Variants in GPHN observed in about 807,000 individuals in gnomAD.
GPHN encodes the protein gephyrin.
GPHN carries 17 observed loss-of-function variants against 95.5 expected under a neutral mutation model. The ratio of observed to expected loss-of-function variants is 0.18; its 90% CI spans 0.12 to 0.27. The LOEUF (loss-of-function observed/expected upper bound fraction) is 0.27. Among genes scored for constraint, GPHN ranks in the 10% least tolerant of loss-of-function variants. GPHN has a pLI of 1.00. For synonymous variants in GPHN, 320 were observed against 322.5 expected (o/e 0.99, Z 0.08); for missense variants, 660 against 978.1 (o/e 0.67, Z 4.34).
At chr14:67,562,818 C>T in the GPHN span, 5 of 1,613,688 alleles carry the variant, frequency 3.1e-6, no homozygotes, top group East Asian at 8.9e-5. Flanking sequence ...AGCCCAAAGG[C>T]CCTTGGAGCT....
chr14:66,550,800 A>G (rs1459994491), intron 1 of GPHN, among the ~76,000 whole-genome samples: 2 of 152,072 alleles, frequency 1.3e-5, no homozygotes, highest in East Asian at 3.9e-4. Flanking sequence ...AAAGATTATG[A>G]TTCACTGATG....
the GPHN span, among the ~76,000 whole-genome samples, chr14:67,668,915 G>A: frequency 3.3e-5 from 5 of 152,098 alleles, no homozygotes; most frequent in Non-Finnish European, 7.4e-5. Context: ...TATCATAAAT[G>A]TGGAAAGTGT....
intron 3 of GPHN, among the ~76,000 whole-genome samples, chr14:66,788,714 T>A (rs1037675461): frequency 4.6e-5 from 7 of 152,188 alleles, no homozygotes; most frequent in African/African-American, 1.7e-4. Flanking sequence ...TGGAGTGAAA[T>A]GGTACAACGT....
the GPHN span, chr14:67,733,878 C>A: frequency 2.0e-6 from 3 of 1,494,770 alleles, no homozygotes; most frequent in Non-Finnish European, 2.8e-6. Context: ...TTTATCAGGC[C>A]CAATCCATGC....
intron 1 of GPHN, among the ~76,000 whole-genome samples, chr14:66,679,624 T>C (rs771201842): frequency 2.0e-5 from 3 of 152,214 alleles, no homozygotes; most frequent in Non-Finnish European, 4.4e-5. Context: ...CTCTGTTCAT[T>C]TCATTTCTTT....
At chr14:66,748,436 C>G (rs959555573) in intron 2 of GPHN, among the ~76,000 whole-genome samples, 10 of 151,968 alleles carry the variant, frequency 6.6e-5, no homozygotes, top group East Asian at 1.9e-4. Flanking sequence ...CCATATACCC[C>G]CTGCACCCTT....
chr14:66,901,853 A>T (rs931754004), intron 5 of GPHN, among the ~76,000 whole-genome samples: 4 of 151,854 alleles, frequency 2.6e-5, no homozygotes, highest in Non-Finnish European at 5.9e-5. Flanking sequence ...ATTGCTTTGG[A>T]TATTAGGCTC....
the GPHN span, among the ~76,000 whole-genome samples, chr14:67,344,726 A>G: frequency 6.6e-6 from 1 of 151,836 alleles, no homozygotes; most frequent in African/African-American, 2.4e-5. Flanking sequence ...TAAAAAATTC[A>G]AAAATATTAT....
At chr14:67,533,186 A>G in the GPHN span, 4 of 151,574 alleles carry the variant, frequency 2.6e-5, no homozygotes, top group Admixed American at 1.3e-4. Context: ...GGGGCGCAGC[A>G]AGGCTCGGCC....
the GPHN span, among the ~76,000 whole-genome samples, chr14:67,711,800 C>G: frequency 6.6e-6 from 1 of 152,068 alleles, no homozygotes; most frequent in African/African-American, 2.4e-5. Context: ...CCATAAGGTA[C>G]AAAGAGAAAA....
At chr14:66,862,393 T>C (rs1177231495) in intron 4 of GPHN, among the ~76,000 whole-genome samples, 1 of 152,052 alleles carries the variant, frequency 6.6e-6, no homozygotes, top group African/African-American at 2.4e-5. Context: ...CCCTGCTGAA[T>C]TCTACAGAAC....
At chr14:66,917,704 A>G (rs1567099446) in intron 6 of GPHN, among the ~76,000 whole-genome samples, 1 of 152,158 alleles carries the variant, frequency 6.6e-6, no homozygotes, top group Non-Finnish European at 1.5e-5. Flanking sequence ...AATAACCAAG[A>G]GATTGTGTGT....
At chr14:67,225,084 T>A in the GPHN span, 1 of 1,533,368 alleles carries the variant, frequency 6.5e-7, no homozygotes. Flanking sequence ...ATCTCTCCTT[T>A]ACTTTCCTTA....
chr14:67,408,356 A>C, the GPHN span, among the ~76,000 whole-genome samples: 2 of 150,272 alleles, frequency 1.3e-5, no homozygotes, highest in Non-Finnish European at 3.0e-5. Context: ...AAATAAAATA[A>C]AAAAAGAAAA....
At chr14:67,462,532 T>G in the GPHN span, among the ~76,000 whole-genome samples, 71 of 152,048 alleles carry the variant, frequency 4.7e-4, no homozygotes, top group African/African-American at 1.5e-3. Flanking sequence ...AAAACAGAGA[T>G]AGGGTCTTGC....
intron 1 of GPHN, among the ~76,000 whole-genome samples, chr14:66,563,701 C>T (rs1411874425): frequency 6.6e-6 from 1 of 152,100 alleles, no homozygotes; most frequent in Non-Finnish European, 1.5e-5. Flanking sequence ...GATTTACTAC[C>T]ATATCTTTGT....
intron 8 of GPHN, among the ~76,000 whole-genome samples, chr14:66,939,288 A>G (rs1486686166): frequency 1.3e-5 from 2 of 152,182 alleles, no homozygotes; most frequent in East Asian, 3.8e-4. Flanking sequence ...ATACCTGATA[A>G]GAGATTAATA....
At chr14:67,079,402 G>T (rs1203746131) in intron 11 of GPHN, among the ~76,000 whole-genome samples, 1 of 151,980 alleles carries the variant, frequency 6.6e-6, no homozygotes, top group Non-Finnish European at 1.5e-5. Flanking sequence ...GTCCCTTTTA[G>T]CAATCATCCT....
At chr14:67,058,621 A>G in intron 10 of GPHN, 28 bp from the exon 11 acceptor site, 1 of 1,600,644 alleles carries the variant, frequency 6.2e-7, no homozygotes, top group Non-Finnish European at 8.6e-7. Context: ...ACAGCATCAT[A>G]TTCTTAGTTA....
Sources: gnomAD v4.1 joint callset for allele counts (sites outside exome capture counted in the v4.1 genomes callset) on GRCh38, gnomAD v4.1.1 for gene constraint, MANE v1.5 for transcripts, NCBI Gene and HGNC (gene_info 2026-07-23, HGNC 2026-07-21) for gene names.